The following ESYT2 variants were observed in gnomAD, a reference collection of about 807,000 sequenced individuals.
ESYT2 encodes the protein extended synaptotagmin-2.
ESYT2 carries 54 observed loss-of-function variants against 107.2 expected under a neutral mutation model. The observed-to-expected ratio is 0.50, with a 90% confidence interval of 0.40 to 0.63. The LOEUF (loss-of-function observed/expected upper bound fraction) is 0.63. Among genes scored for constraint, ESYT2 ranks in the 30% least tolerant of loss-of-function variants. ESYT2 has a pLI of 0.00. For missense variants in ESYT2, 1,020 were observed against 1,094.5 expected (o/e 0.93, Z 0.96); for synonymous variants, 491 against 434.1 (o/e 1.13, Z -1.63).
intron 5 of ESYT2, 124 bp from the exon 6 acceptor site, chr7:158,788,217 T>C (rs1457281490): frequency 8.6e-7 from 1 of 1,159,116 alleles, no homozygotes; most frequent in African/African-American, 1.6e-5. Flanking sequence ...ATCTCAACTA[T>C]GACCTACAGC....
At chr7:158,794,521 T>C (rs953964855) in intron 3 of ESYT2, among the ~76,000 whole-genome samples, 1 of 152,076 alleles carries the variant, frequency 6.6e-6, no homozygotes, top group African/African-American at 2.4e-5. Context: ...CTGGGCACAA[T>C]GGCTCAAAGC....
In ESYT2 at chr7:158,760,059, T is replaced by C; in HGVS notation, c.1322A>G (p.Lys441Arg). ...TLMPNASNLDKVLTDIKADKD... is the reference protein window; with the variant it reads ...TLMPNASNLDRVLTDIKADKD... Reference sequence around the variant, plus strand: ...CAAGAGCACATGCTTCAACAGCACCTTGTCGAGGTTTGACGCATTTGGCAT... The same window carrying C: ...CAAGAGCACATGCTTCAACAGCACCCTGTCGAGGTTTGACGCATTTGGCAT... Residue 441 changes from lysine (K) to arginine (R), a missense_variant and splice_region_variant, in exon 12 of 23, where the codon AAG (lysine) becomes AGG (arginine). Physicochemically the swap from Lys to Arg is conservative, Grantham distance 26. Coordinates refer to ENST00000275418, the MANE Select transcript of ESYT2 (RefSeq NM_001367773.1). 1 of 1,614,184 alleles carries C rather than the reference T, an allele frequency of 6.2e-7. No homozygotes were observed. The highest frequency in any genetic ancestry group is 1.3e-5 in the African/African-American group (1 of 75,050).
intron 6 of ESYT2, among the ~76,000 whole-genome samples, chr7:158,784,809 G>C (rs975985773): frequency 6.6e-6 from 1 of 152,142 alleles, no homozygotes; most frequent in Non-Finnish European, 1.5e-5. Context: ...TTTTACAGAG[G>C]AAGAAATGGA....
At chr7:158,751,741 T>C (rs1837592720) in intron 14 of ESYT2, among the ~76,000 whole-genome samples, 1 of 151,380 alleles carries the variant, frequency 6.6e-6, no homozygotes, top group Non-Finnish European at 1.5e-5. Flanking sequence ...GGACGAAGTG[T>C]CTTGTTGGAG....
intron 7 of ESYT2, among the ~76,000 whole-genome samples, chr7:158,768,162 T>C (rs1370657437): frequency 1.3e-5 from 2 of 152,218 alleles, no homozygotes; most frequent in Admixed American, 1.3e-4. Context: ...ATACACCTCA[T>C]TGACTTTTTT....
rs754160471 is a variant in ESYT2 at position 158,743,715 on chromosome 7, GAT to G, written c.1645-39_1645-38del. ...AGGGTGGAAACACTGGCATAACTAG[GAT>G]CATGTCTGCAGAACCTTTCTACGTT... On this transcript the variant is annotated intron_variant, in intron 16 of 22. Transcript: ENST00000275418. 53 of 1,589,282 alleles carry G rather than the reference GAT, an allele frequency of 3.3e-5. No homozygotes were observed. In the African/African-American group the frequency reaches 7.1e-4, roughly 21 times the overall value.
intron 1 of ESYT2, among the ~76,000 whole-genome samples, chr7:158,826,483 T>C (rs1008058792): frequency 6.6e-6 from 1 of 152,004 alleles, no homozygotes; most frequent in Non-Finnish European, 1.5e-5. Context: ...GATTAAAAAC[T>C]TGAAAAGAAT....
At chr7:158,828,062 T>TTCAGG (rs1840507585) in intron 1 of ESYT2, among the ~76,000 whole-genome samples, 1 of 152,102 alleles carries the variant, frequency 6.6e-6, no homozygotes, top group South Asian at 2.1e-4. Context: ...CACACACACA[T>TTCAGG]TCACACTGGA....
At chr7:158,757,454 G>A (rs1450710932) in intron 13 of ESYT2, among the ~76,000 whole-genome samples, 1 of 152,178 alleles carries the variant, frequency 6.6e-6, no homozygotes, top group East Asian at 1.9e-4. Context: ...TGGAGCCAGG[G>A]GAGAAAGCAG....
At chr7:158,818,543 G>A (rs1488218809) in intron 1 of ESYT2, among the ~76,000 whole-genome samples, 1 of 152,172 alleles carries the variant, frequency 6.6e-6, no homozygotes, top group South Asian at 2.1e-4. Flanking sequence ...GAGGGAGGTG[G>A]CAAAGGCCAC....
intron 6 of ESYT2, among the ~76,000 whole-genome samples, chr7:158,774,405 T>A (rs2129472600): frequency 6.6e-6 from 1 of 152,320 alleles, no homozygotes; most frequent in East Asian, 1.9e-4. Context: ...GCAACTAATC[T>A]TCAAACTGGA....
intron 1 of ESYT2, among the ~76,000 whole-genome samples, chr7:158,827,920 A>G (rs952497574): frequency 6.6e-6 from 1 of 152,216 alleles, no homozygotes; most frequent in Non-Finnish European, 1.5e-5. Flanking sequence ...GGGAATGACA[A>G]GAAAAAGATT....
At chr7:158,822,544 C>T (rs2129474322) in intron 1 of ESYT2, among the ~76,000 whole-genome samples, 1 of 152,276 alleles carries the variant, frequency 6.6e-6, no homozygotes, top group African/African-American at 2.4e-5. Context: ...AGGAGGATCA[C>T]TTGAGCCCAG....
At chr7:158,806,581 T>C (rs35465787) in intron 1 of ESYT2, among the ~76,000 whole-genome samples, 16,806 of 152,244 alleles carry the variant, frequency 0.11, 976 homozygotes, top group African/African-American at 0.13. Context: ...GAAACACTAA[T>C]GTCAACAGAC....
chr7:158,798,144 G>GAGA, intron 2 of ESYT2, 68 bp from the exon 3 acceptor site: 1 of 1,560,386 alleles, frequency 6.4e-7, no homozygotes, highest in East Asian at 2.3e-5. Context: ...GAGTGCTCGT[G>GAGA]AGAAACCCTC....
chr7:158,823,272 GC>G (rs1840337256), intron 1 of ESYT2, among the ~76,000 whole-genome samples: 1 of 134,232 alleles, frequency 7.4e-6, no homozygotes, highest in Non-Finnish European at 1.6e-5. Flanking sequence ...CCCAGCCTGG[GC>G]GACAGAGTGA....
chr7:158,773,654 A>C (rs1304571981), intron 6 of ESYT2, among the ~76,000 whole-genome samples: 2 of 152,202 alleles, frequency 1.3e-5, no homozygotes, highest in African/African-American at 4.8e-5. Flanking sequence ...CTATGGATGG[A>C]TACTTAGAAT....
At position 158,741,858 on chromosome 7, in the gene ESYT2, G is replaced by A. The variant is rs1318035858; in HGVS notation, c.1833C>T (p.His611=). 2 of 1,612,326 alleles carry A rather than the reference G, an allele frequency of 1.2e-6. No homozygotes were observed. The highest frequency in any genetic ancestry group is 1.7e-6 in the Non-Finnish European group (2 of 1,179,342). ...GACGTTTGACTTGAGCTGAGTGTTG[G>A]TGGTCTGGAGGCCTTTCTCGCTTTT... ...HLEKRERPPD[H]QHSAQVKRPS... is the part of the protein sequence containing the mutation. The change falls in exon 18 of 23, where the codon CAC becomes CAT. Residue 611 remains histidine, a synonymous_variant. Coordinates refer to ENST00000275418, the MANE Select transcript of ESYT2 (RefSeq NM_001367773.1).
At chr7:158,799,000 A>T in intron 2 of ESYT2, 31 bp downstream of exon 2, 1 of 1,590,460 alleles carries the variant, frequency 6.3e-7, no homozygotes, top group South Asian at 1.1e-5. Flanking sequence ...AATTCCACTG[A>T]TGGATGGTAG....
Sources: gnomAD v4.1 joint callset for allele counts (sites outside exome capture counted in the v4.1 genomes callset) on GRCh38, gnomAD v4.1.1 for gene constraint, MANE v1.5 for transcripts, NCBI Gene and HGNC (gene_info 2026-07-23, HGNC 2026-07-21) for gene names.